Variants in ERCC6L2 observed in about 807,000 individuals in gnomAD.
ERCC6L2 encodes DNA excision repair protein ERCC-6-like 2.
ERCC6L2 carries 77 observed loss-of-function variants against 132.0 expected under a neutral mutation model. The observed-to-expected ratio is 0.58, with a 90% CI of 0.49 to 0.71. The LOEUF (loss-of-function observed/expected upper bound fraction) is 0.71, where lower values mean the gene tolerates loss of function less well. Among genes scored for constraint, ERCC6L2 ranks in the 30% least tolerant of loss-of-function variants. The pLI is 0.00. For missense variants in ERCC6L2, 1,542 were observed against 1,837.6 expected, an observed-to-expected ratio of 0.84 and a Z score of 2.94; for synonymous variants, 583 against 632.4, an observed-to-expected ratio of 0.92 and a Z score of 1.17.
intron 18 of ERCC6L2, among the ~76,000 whole-genome samples, chr9:96,006,978 G>C (rs551417595): frequency 1.2e-4 from 18 of 152,154 alleles, no homozygotes; most frequent in Non-Finnish European, 2.6e-4. Context: ...CAGTTGCTCT[G>C]TTGCAGAAAC....
intron 12 of ERCC6L2, among the ~76,000 whole-genome samples, chr9:95,948,307 G>A (rs899813272): frequency 8.5e-5 from 13 of 152,192 alleles, no homozygotes; most frequent in African/African-American, 2.4e-4. Flanking sequence ...TAGAGAACTA[G>A]AATTAGAAAC....
At chr9:95,958,702 C>T (rs1261485753) in intron 13 of ERCC6L2, among the ~76,000 whole-genome samples, 1 of 152,152 alleles carries the variant, frequency 6.6e-6, no homozygotes, top group East Asian at 1.9e-4. Flanking sequence ...AATCAATGTA[C>T]AAAAATCACA....
At position 96,013,184 on chromosome 9, in the gene ERCC6L2, A is replaced by G. The variant is rs577603527; in HGVS notation, c.4634A>G (p.Asn1545Ser). The G allele has an allele frequency of 7.3e-7, 1 of 1,364,340 alleles. No homozygotes were observed. Among genetic ancestry groups the G allele is most frequent in the Admixed American group, 1.9e-5 (1 of 51,640 alleles). The allele number at this position is 1,364,340 out of a possible 1,614,324, so 84.5% of individuals were successfully genotyped here. Residue 1545 changes from asparagine to serine, a missense_variant, in exon 19 of 19, where the codon AAT becomes AGT. Physicochemically the swap from Asn to Ser is conservative, Grantham distance 46. Coordinates refer to ENST00000653738, the MANE Select transcript of ERCC6L2 (RefSeq NM_020207.7). ...AGTGATACAGATGAAAACGCAACCA[A>G]TACACAGAGTACCACATAAGCATAT... ...SPSDTDENATNTQSTT is the reference protein window; with the variant it reads ...SPSDTDENATSTQSTT
Position 96,016,066 on chromosome 9 carries a change from A to G in ERCC6L2, c.*2863A>G, listed in dbSNP as rs549776928. On this transcript the variant is annotated 3_prime_UTR_variant, in exon 19 of 19. Transcript: ENST00000653738. ...TGAGAACAGACACTAGGAAGGTTTG[A>G]CAAGATCCTTCCTACCCCCACTCCA... Among the ~76,000 whole-genome samples, 2 of 152,290 alleles carry G rather than the reference A, an allele frequency of 1.3e-5. No individual in the cohort carries two copies. The highest frequency in any genetic ancestry group is 2.4e-5 in the African/African-American group (1 of 41,556).
intron 4 of ERCC6L2, among the ~76,000 whole-genome samples, chr9:95,914,063 A>G (rs553867065): frequency 2.0e-5 from 3 of 152,318 alleles, no homozygotes; most frequent in South Asian, 4.1e-4. Context: ...ACTTTTTAAG[A>G]AACCGCCATC....
At chr9:96,028,790 A>G (rs1037372757) in intron 19 of ERCC6L2, among the ~76,000 whole-genome samples, 2 of 152,192 alleles carry the variant, frequency 1.3e-5, no homozygotes, top group Non-Finnish European at 2.9e-5. Flanking sequence ...CAAACTAGAA[A>G]TTTCCCACGT....
intron 16 of ERCC6L2, among the ~76,000 whole-genome samples, chr9:95,975,951 C>G (rs1832652910): frequency 6.6e-6 from 1 of 151,996 alleles, no homozygotes; most frequent in Non-Finnish European, 1.5e-5. Flanking sequence ...TACGTTGATT[C>G]ATGTCTTTTT....
At chr9:96,000,547 A>G (rs1032468159) in intron 17 of ERCC6L2, among the ~76,000 whole-genome samples, 1 of 152,230 alleles carries the variant, frequency 6.6e-6, no homozygotes, top group Admixed American at 6.5e-5. Flanking sequence ...GTTGGCAGGA[A>G]CGTAATAGGT....
At chr9:95,994,580 A>C (rs1188803012) in intron 17 of ERCC6L2, among the ~76,000 whole-genome samples, 5 of 152,192 alleles carry the variant, frequency 3.3e-5, no homozygotes. Context: ...TCCTGTGGAC[A>C]ACTGTCAGGC....
chr9:95,880,174 G>A lies in ERCC6L2; in HGVS notation c.47-695G>A, dbSNP rs539864903. Among the ~76,000 whole-genome samples the A allele has an allele frequency of 4.6e-5, 7 of 152,190 alleles. No homozygotes were observed. In the East Asian group the frequency reaches 7.7e-4, roughly 17 times the overall value. On this transcript the variant is annotated intron_variant, in intron 1 of 18. Transcript: ENST00000653738. ...CTCTTAAAGTAAATATTCAAAACCC[G>A]GAAGAGGAAAAGCTGTGACATCACT...
In ERCC6L2 at chr9:96,026,737, C is replaced by T. The variant is rs72743916; in HGVS notation, c.*1504-12139C>T. ...ACCCCACACACCAAACACACCACACCACACACACAGCCCACACACACTACA... is the reference window on the plus strand; with the variant it reads ...ACCCCACACACCAAACACACCACACTACACACACAGCCCACACACACTACA... On this transcript the variant is annotated intron_variant and NMD_transcript_variant, in intron 19 of 20. Transcript: ENST00000670016. Among the ~76,000 whole-genome samples, 1,265 of 141,400 alleles carry T rather than the reference C, an allele frequency of 8.9e-3. 12 individuals carry two copies. The highest frequency in any genetic ancestry group is 0.014 in the Non-Finnish European group (902 of 64,840). 92.8% of individuals were successfully genotyped at this position (141,400 alleles called of 152,430 possible).
At chr9:95,906,554 AG>A in intron 3 of ERCC6L2, 1 of 433,698 alleles carries the variant, frequency 2.3e-6, no homozygotes, top group Non-Finnish European at 4.6e-6. Flanking sequence ...AAGTTCATCC[AG>A]GAAGTTTTCT....
chr9:95,928,927 T>C, intron 11 of ERCC6L2, 63 bp downstream of exon 11: 1 of 1,251,184 alleles, frequency 8.0e-7, no homozygotes, highest in Non-Finnish European at 1.1e-6. Flanking sequence ...TAGCATAATT[T>C]TTAAAACTAT....
chr9:95,895,221 G>T (rs1013715173), intron 2 of ERCC6L2, among the ~76,000 whole-genome samples: 12 of 151,588 alleles, frequency 7.9e-5, no homozygotes, highest in African/African-American at 2.9e-4. Context: ...TTTTGTCTCA[G>T]CATCTTTATC....
At chr9:96,019,526 T>C (rs1834247982), downstream of ERCC6L2, among the ~76,000 whole-genome samples, 2 of 152,028 alleles carry the variant, frequency 1.3e-5, no homozygotes, top group South Asian at 4.2e-4. Context: ...GACAGCTCCC[T>C]CTCTCAGCTT....
chr9:95,883,293 T>G (rs965465792), intron 2 of ERCC6L2, among the ~76,000 whole-genome samples: 5 of 152,202 alleles, frequency 3.3e-5, no homozygotes, highest in Non-Finnish European at 5.9e-5. Flanking sequence ...AGACTGATCC[T>G]TGGCTACAGT....
rs1331832421 is a variant in ERCC6L2 at position 96,016,101 on chromosome 9, T to C, written c.*2898T>C. Among the ~76,000 whole-genome samples, 2 of 152,188 alleles carry C rather than the reference T, an allele frequency of 1.3e-5. No individual in the cohort carries two copies. Among genetic ancestry groups the C allele is most frequent in the Non-Finnish European group, 2.9e-5 (2 of 68,030 alleles). ...TCCTACCCCCACTCCACTGGTGATGTGTCACCAAGTTCTGCTAACTAAATG... is the reference window on the plus strand; with the variant it reads ...TCCTACCCCCACTCCACTGGTGATGCGTCACCAAGTTCTGCTAACTAAATG... On this transcript the variant is annotated 3_prime_UTR_variant, in exon 19 of 19. Coordinates refer to ENST00000653738, the MANE Select transcript of ERCC6L2 (RefSeq NM_020207.7).
chr9:95,885,994 C>T (rs1372334028), intron 2 of ERCC6L2, among the ~76,000 whole-genome samples: 5 of 151,918 alleles, frequency 3.3e-5, no homozygotes, highest in East Asian at 1.9e-4. Context: ...GTTTGGTCTA[C>T]GTGAATCTTT....
chr9:95,975,243 G>A (rs112551666), intron 16 of ERCC6L2, among the ~76,000 whole-genome samples: 7 of 152,206 alleles, frequency 4.6e-5, no homozygotes, highest in African/African-American at 1.7e-4. Flanking sequence ...AGTCCTTAAT[G>A]TCAGTCTTCC....
Sources: gnomAD v4.1 joint callset for allele counts (sites outside exome capture counted in the v4.1 genomes callset) on GRCh38, gnomAD v4.1.1 for gene constraint, MANE v1.5 for transcripts, NCBI Gene and HGNC (gene_info 2026-07-23, HGNC 2026-07-21) for gene names.